GREB1: variants seen among roughly 807,000 people sequenced by gnomAD.
GREB1 encodes the protein protein GREB1.
GREB1 carries 106 observed loss-of-function variants against 200.7 expected under a neutral mutation model. The ratio of observed to expected loss-of-function variants is 0.53; its 90% CI spans 0.45 to 0.62. The LOEUF (loss-of-function observed/expected upper bound fraction) is 0.62. Among genes scored for constraint, GREB1 ranks in the 20% least tolerant of loss-of-function variants. GREB1 has a pLI of 0.00. For missense variants in GREB1, 2,243 were observed against 2,556.8 expected (o/e 0.88, Z 2.65); for synonymous variants, 1,132 against 1,092.4 (o/e 1.04, Z -0.72).
At chr2:11,609,646 G>A (rs1451019407) in intron 17 of GREB1, among the ~76,000 whole-genome samples, 1 of 152,162 alleles carries the variant, frequency 6.6e-6, no homozygotes, top group Non-Finnish European at 1.5e-5. Context: ...AGCTTGCCAG[G>A]CCAGCTTCCA....
chr2:11,604,980 C>T (rs1206736474), intron 17 of GREB1, among the ~76,000 whole-genome samples: 1 of 151,896 alleles, frequency 6.6e-6, no homozygotes, highest in African/African-American at 2.4e-5. Context: ...AGACCTTTGA[C>T]AACTCCTATT....
At chr2:11,636,240 C>T (rs533226247) in intron 30 of GREB1, among the ~76,000 whole-genome samples, 5 of 152,286 alleles carry the variant, frequency 3.3e-5, no homozygotes, top group South Asian at 2.1e-4. Context: ...TGAGATCTTA[C>T]GATTGTGTGA....
Position 11,629,945 on chromosome 2 carries a change from C to T in GREB1, c.4450-3C>T. The T allele has an allele frequency of 6.2e-7, 1 of 1,613,832 alleles. No homozygotes were observed. The highest frequency in any genetic ancestry group is 8.5e-7 in the Non-Finnish European group (1 of 1,179,832). ...AAGCTCTGTCCTTTCCCCCACACCC[C>T]AGCTGTATGAGTCCACCCTGCACGC... On this transcript the variant is annotated splice_region_variant and splice_polypyrimidine_tract_variant and intron_variant, in intron 25 of 32. Transcript: ENST00000381486. This position sits in a 1 kb window ranked among gnomAD's most constrained non-coding sequence, Gnocchi z 5.2.
intron 23 of GREB1, among the ~76,000 whole-genome samples, chr2:11,624,084 A>G (rs1015381861): frequency 3.2e-4 from 48 of 152,356 alleles, no homozygotes; most frequent in African/African-American, 1.1e-3. Context: ...ATAGTAAGCT[A>G]AGGTTAACTT....
At chr2:11,556,893 T>C in intron 2 of GREB1, 122 bp downstream of exon 2, 3 of 745,626 alleles carry the variant, frequency 4.0e-6, no homozygotes, top group Non-Finnish European at 6.0e-6. Context: ...AAAAGAATTA[T>C]TAGAAAAAGA....
chr2:11,516,095 A>G (rs926242604), intron 1 of GREB1, among the ~76,000 whole-genome samples: 4 of 152,208 alleles, frequency 2.6e-5, no homozygotes, highest in East Asian at 1.9e-4. Context: ...CACATGAACC[A>G]TAGGAAGAAG....
intron 30 of GREB1, among the ~76,000 whole-genome samples, chr2:11,637,050 A>AGGCAGG (rs1408918272): frequency 2.5e-5 from 1 of 39,292 alleles, no homozygotes; most frequent in African/African-American, 7.7e-5. Context: ...GTAGGGACAG[A>AGGCAGG]GGCAGGGGCA....
intron 27 of GREB1, 60 bp downstream of exon 27, chr2:11,632,173 G>A (rs1684927677): frequency 8.3e-7 from 1 of 1,210,062 alleles, no homozygotes; most frequent in African/African-American, 1.5e-5. Flanking sequence ...ACTTGAGAGA[G>A]TGTTCTAGAG....
chr2:11,623,619 G>T (rs1390958995), intron 23 of GREB1, among the ~76,000 whole-genome samples: 2 of 152,226 alleles, frequency 1.3e-5, no homozygotes, highest in African/African-American at 4.8e-5. Context: ...GGCCAGGCGT[G>T]GTGGCTCACG....
chr2:11,607,500 A>G (rs1180411825), intron 17 of GREB1, among the ~76,000 whole-genome samples: 1 of 142,320 alleles, frequency 7.0e-6, no homozygotes, highest in African/African-American at 2.7e-5. Flanking sequence ...ATACACATAT[A>G]TATACATATA....
At chr2:11,519,803 C>T (rs1673644627) in intron 1 of GREB1, among the ~76,000 whole-genome samples, 1 of 152,072 alleles carries the variant, frequency 6.6e-6, no homozygotes, top group South Asian at 2.1e-4. Context: ...GACTAAAGTT[C>T]TGTGAGAACA....
chr2:11,531,838 T>C (rs1572600812), upstream of GREB1, among the ~76,000 whole-genome samples: 1 of 152,358 alleles, frequency 6.6e-6, no homozygotes, highest in East Asian at 1.9e-4. Flanking sequence ...CCCAAAGTGC[T>C]GGGATTACCG....
chr2:11,512,829 A>C (rs529099265), intron 1 of GREB1, among the ~76,000 whole-genome samples: 140 of 152,378 alleles, frequency 9.2e-4, no homozygotes, highest in African/African-American at 3.4e-3. Context: ...AATGAGACTT[A>C]GGAGACTTTT....
chr2:11,527,656 A>G (rs935908559), intron 1 of GREB1, among the ~76,000 whole-genome samples: 3 of 152,214 alleles, frequency 2.0e-5, no homozygotes, highest in Non-Finnish European at 4.4e-5. Context: ...TTCAACCAGG[A>G]GCTATTCAGT....
chr2:11,614,124 G>GTTTTTTTTTTTT (rs1558636075), intron 19 of GREB1, among the ~76,000 whole-genome samples: 1 of 133,400 alleles, frequency 7.5e-6, no homozygotes. Flanking sequence ...AGCGGACTTA[G>GTTTTTTTTTTTT]ATTTTTTTTT....
Position 11,635,348 on chromosome 2 carries a change from C to T in GREB1, c.5289C>T (p.Ser1763=), listed in dbSNP as rs1475116052. The T allele has an allele frequency of 8.1e-6, 13 of 1,613,914 alleles. No homozygotes were observed. The highest frequency in any genetic ancestry group is 6.7e-5 in the Admixed American group (4 of 59,990). ...TGCTCTGCCGGTTCAACCGCTTCAG[C>T]GTGATGAAGAAGCAGATCGTGGTGG... ...GLLLCRFNRF[S]VMKKQIVVGG... is the part of the protein sequence containing the mutation. Residue 1763 remains serine, a synonymous_variant, in exon 30 of 33, where the codon AGC becomes AGT. Transcript: ENST00000381486.
rs187429951 is a variant in GREB1, at chr2:11,591,255, C to T, written c.1346-1521C>T. 45 of 606,964 alleles carry T rather than the reference C, an allele frequency of 7.4e-5. No individual in the cohort carries two copies. The East Asian group carries it at 7.5e-4, about 10-fold the overall frequency. The allele number at this position is 606,964 out of a possible 1,614,324, so 37.6% of individuals were successfully genotyped here. A position where few individuals can be genotyped will look rare whatever the true frequency, so the allele number is the denominator to read the frequency against. On this transcript the variant is annotated intron_variant, in intron 10 of 32. Coordinates refer to ENST00000381486, the MANE Select transcript of GREB1 (RefSeq NM_014668.4). ...AAGCTAATTTAATCAAATTCTGGCA[C>T]GGCCCACAGAGCAGGTGTCATGAAC...
At chr2:11,509,654 G>A (rs1673296499) in intron 1 of GREB1, among the ~76,000 whole-genome samples, 1 of 152,150 alleles carries the variant, frequency 6.6e-6, no homozygotes, top group African/African-American at 2.4e-5. Flanking sequence ...CCTTTAGGAG[G>A]GGGTTAGATC....
intron 4 of GREB1, among the ~76,000 whole-genome samples, chr2:11,570,574 G>C (rs542273315): frequency 6.6e-6 from 1 of 151,662 alleles, no homozygotes; most frequent in South Asian, 2.1e-4. Context: ...CCAGACAAGG[G>C]AGTTCTAAAG....
Sources: gnomAD v4.1 joint callset for allele counts (sites outside exome capture counted in the v4.1 genomes callset) on GRCh38, gnomAD v4.1.1 for gene constraint, Gnocchi (gnomAD v3.1) non-coding constraint, MANE v1.5 for transcripts, NCBI Gene and HGNC (gene_info 2026-07-23, HGNC 2026-07-21) for gene names.